ANKRD45: variants seen among roughly 807,000 people sequenced by gnomAD.
The protein encoded by ANKRD45 is ankyrin repeat domain 45.
A neutral mutation model predicts 28.1 loss-of-function variants in ANKRD45; 21 were observed. That is an observed-to-expected ratio of 0.75 (90% CI 0.53 to 1.08). The LOEUF is 1.08. ANKRD45 is among the 50% of genes least tolerant of loss of function. The pLI, the probability that ANKRD45 is intolerant of heterozygous loss-of-function variation, is 0.00. For missense variants in ANKRD45, 261 were observed against 308.7 expected (o/e 0.85, Z 1.16); for synonymous variants, 86 against 103.9 (o/e 0.83, Z 1.05).
At chr1:173,710,477 CTGCCCT>C in the ANKRD45 span, among the ~76,000 whole-genome samples, 1 of 152,202 alleles carries the variant, frequency 6.6e-6, no homozygotes, top group Non-Finnish European at 1.5e-5. Context: ...TGCATCCCTT[CTGCCCT>C]GATTCTTCCC....
intron 2 of ANKRD45, among the ~76,000 whole-genome samples, chr1:173,649,664 G>C (rs904267357): frequency 6.6e-6 from 1 of 152,104 alleles, no homozygotes; most frequent in Non-Finnish European, 1.5e-5. Flanking sequence ...TAGATAGACA[G>C]ATCTTTTCCC....
chr1:173,621,570 G>A (rs183170609), intron 5 of ANKRD45, among the ~76,000 whole-genome samples: 4 of 152,080 alleles, frequency 2.6e-5, no homozygotes, highest in Admixed American at 6.5e-5. Context: ...TGATTATCTC[G>A]ATAGAGAAAG....
rs1245770392 is a variant in ANKRD45 at position 173,608,882 on chromosome 1, AGGGAGGGGAG to A, written c.*1253_*1262del. 3.0e-5 allele frequency among the ~76,000 whole-genome samples: 2 copies of A among 67,472 alleles called. No individual in the cohort carries two copies. Among genetic ancestry groups the A allele is most frequent in the Non-Finnish European group, 5.2e-5 (2 of 38,290 alleles). 44.3% of individuals were successfully genotyped at this position (67,472 alleles called of 152,430 possible). A position where few individuals can be genotyped will look rare whatever the true frequency, so the allele number is the denominator to read the frequency against. On this transcript the variant is annotated 3_prime_UTR_variant, in exon 6 of 6. Transcript: ENST00000333279. ...GAGGAAGGGAGGGGAGGGGAGAGGA[AGGGAGGGGAG>A]GGGAGAGGAAGGGAGAGGAAGGGAG...
intron 5 of ANKRD45, among the ~76,000 whole-genome samples, chr1:173,617,076 C>A (rs1317150375): frequency 6.6e-6 from 1 of 152,064 alleles, no homozygotes; most frequent in African/African-American, 2.4e-5. Context: ...CACGAGATCC[C>A]CTCATGAGCC....
At chr1:173,623,512 G>A (rs1667792456) in intron 5 of ANKRD45, among the ~76,000 whole-genome samples, 1 of 152,142 alleles carries the variant, frequency 6.6e-6, no homozygotes, top group African/African-American at 2.4e-5. Flanking sequence ...CTGTTGGTAG[G>A]AATGTAAATT....
intron 3 of ANKRD45, among the ~76,000 whole-genome samples, chr1:173,644,793 G>A (rs1463833642): frequency 6.6e-6 from 1 of 152,048 alleles, no homozygotes; most frequent in African/African-American, 2.4e-5. Context: ...AGGAGTTCGA[G>A]ACCAGCCTGA....
intron 3 of ANKRD45, chr1:173,635,799 T>C: frequency 1.3e-6 from 2 of 1,535,486 alleles, no homozygotes; most frequent in Non-Finnish European, 1.7e-6. Context: ...TTATTTGTTT[T>C]GTCTGTGCAT....
intron 2 of ANKRD45, among the ~76,000 whole-genome samples, chr1:173,651,543 T>C (rs146866425): frequency 9.6e-4 from 146 of 152,330 alleles, no homozygotes; most frequent in African/African-American, 3.1e-3. Flanking sequence ...TTCAGCTTTG[T>C]TGGCTTTTTG....
intron 3 of ANKRD45, among the ~76,000 whole-genome samples, chr1:173,642,666 A>G (rs1211340322): frequency 1.3e-5 from 2 of 152,252 alleles, no homozygotes; most frequent in South Asian, 2.1e-4. Flanking sequence ...AAGAGGTCCA[A>G]GCAAGCATGA....
At chr1:173,692,466 G>C in the ANKRD45 span, among the ~76,000 whole-genome samples, 1 of 152,170 alleles carries the variant, frequency 6.6e-6, no homozygotes, top group South Asian at 2.1e-4. Flanking sequence ...ATTTATCTCA[G>C]TGAGCAGAGG....
intron 3 of ANKRD45, among the ~76,000 whole-genome samples, chr1:173,636,200 T>C (rs564111756): frequency 1.3e-5 from 2 of 152,292 alleles, no homozygotes; most frequent in African/African-American, 4.8e-5. Context: ...CAAAAGGATC[T>C]GTAACAAGAG....
chr1:173,660,704 T>C (rs1442500769), intron 1 of ANKRD45, among the ~76,000 whole-genome samples: 1 of 152,216 alleles, frequency 6.6e-6, no homozygotes, highest in Non-Finnish European at 1.5e-5. Context: ...GGGTGATCTC[T>C]GTTCAACAGC....
In ANKRD45 at chr1:173,648,473, T is replaced by C. The variant is rs1308459829; in HGVS notation, c.329-1460A>G. Reference sequence around the variant, plus strand: ...CTTTTCTGACAGTGAATCTTAATTTTCATGTCTTTGTCATATGGACAGGCT... The same window carrying C: ...CTTTTCTGACAGTGAATCTTAATTTCCATGTCTTTGTCATATGGACAGGCT... On this transcript the variant is annotated intron_variant, in intron 2 of 5. Transcript: ENST00000333279. Among the ~76,000 whole-genome samples, 3 of 152,236 alleles carry C rather than the reference T, an allele frequency of 2.0e-5. No homozygotes were observed. The East Asian group carries it at 5.8e-4, about 29-fold the overall frequency.
chr1:173,713,853 T>C, the ANKRD45 span, among the ~76,000 whole-genome samples: 1 of 152,168 alleles, frequency 6.6e-6, no homozygotes, highest in Non-Finnish European at 1.5e-5. Flanking sequence ...TGAGTAATAA[T>C]ATAACTGATT....
the ANKRD45 span, among the ~76,000 whole-genome samples, chr1:173,682,684 T>TACGCACGCAC: frequency 6.9e-6 from 1 of 143,940 alleles, no homozygotes. Flanking sequence ...GCCTTTTAAA[T>TACGCACGCAC]ACACACACAC....
Position 173,624,808 on chromosome 1 carries a change from A to T in ANKRD45, c.709T>A (p.Phe237Ile). 1.2e-6 allele frequency: 2 copies of T among 1,613,644 alleles called. No homozygotes were observed. The highest frequency in any genetic ancestry group is 1.7e-6 in the Non-Finnish European group (2 of 1,179,804). The change falls in exon 5 of 6, where the codon TTC (phenylalanine) becomes ATC (isoleucine). Residue 237 changes from phenylalanine to isoleucine, a missense_variant. Coordinates refer to ENST00000333279, the MANE Select transcript of ANKRD45 (RefSeq NM_198493.3). ...QQLEDIVTPIFTKMTTPCQVK... is the reference protein window; with the variant it reads ...QQLEDIVTPIITKMTTPCQVK... ...TTACATGGTGTAGTCATTTTTGTGA[A>T]GATAGGAGTCACAATATCTTCCAGT...
chr1:173,635,713 C>T lies in ANKRD45; in HGVS notation c.497-8554G>A, dbSNP rs570111675. Reference sequence around the variant, plus strand: ...CTTATCTTCTGGATAAACTATGCTGCGACTTTGCTAACATGGATATATTTC... The same window carrying T: ...CTTATCTTCTGGATAAACTATGCTGTGACTTTGCTAACATGGATATATTTC... On this transcript the variant is annotated intron_variant, in intron 3 of 5. Coordinates refer to ENST00000333279, the MANE Select transcript of ANKRD45 (RefSeq NM_198493.3). 3.6e-5 allele frequency: 56 copies of T among 1,535,502 alleles called. No individual in the cohort carries two copies. The East Asian group carries it at 4.4e-4, about 12-fold the overall frequency.
chr1:173,673,410 G>A (rs192919464), upstream of ANKRD45, among the ~76,000 whole-genome samples: 227 of 152,176 alleles, frequency 1.5e-3, no homozygotes, highest in Non-Finnish European at 2.7e-3. Flanking sequence ...ACCACACCCT[G>A]CCATATTTCT....
At chr1:173,658,973 T>C (rs1669663769) in intron 2 of ANKRD45, 118 bp downstream of exon 2, 3 of 1,386,782 alleles carry the variant, frequency 2.2e-6, no homozygotes, top group Non-Finnish European at 2.9e-6. Context: ...TATAGATGTA[T>C]ATACACATAT....
Sources: allele counts gnomAD v4.1 joint callset (sites outside exome capture counted in the v4.1 genomes callset), GRCh38; gene constraint gnomAD v4.1.1; transcripts MANE v1.5; gene names NCBI Gene and HGNC (gene_info 2026-07-23, HGNC 2026-07-21).